Variants in NRXN3 observed in about 807,000 individuals in gnomAD.
NRXN3 encodes the protein neurexin 3, also known as neurexin III.
Under a neutral mutation model 137.6 loss-of-function variants are expected in NRXN3, and 32 were observed. The observed-to-expected ratio is 0.23, with a 90% confidence interval of 0.18 to 0.31. The LOEUF is 0.31. Ranked by LOEUF, NRXN3 falls within the 10% of genes least tolerant of loss-of-function variation. The pLI is 1.00. For synonymous variants in NRXN3, 798 were observed against 784.5 expected (o/e 1.02, Z -0.29); for missense variants, 1,574 against 2,062.5 (o/e 0.76, Z 4.59).
chr14:79,772,189 T>C (rs2139819443), intron 19 of NRXN3, among the ~76,000 whole-genome samples: 1 of 152,124 alleles, frequency 6.6e-6, no homozygotes, highest in African/African-American at 2.4e-5. Context: ...ATCATGAAAA[T>C]GGCCATACTG....
intron 4 of NRXN3, among the ~76,000 whole-genome samples, chr14:78,409,447 C>T (rs2092695548): frequency 6.6e-6 from 1 of 152,226 alleles, no homozygotes; most frequent in Non-Finnish European, 1.5e-5. Flanking sequence ...GATACATGTA[C>T]AGACCACTGA....
At chr14:78,614,891 C>T in intron 4 of NRXN3, 1 of 453,392 alleles carries the variant, frequency 2.2e-6, no homozygotes, top group Non-Finnish European at 4.4e-6. Flanking sequence ...GGGGGCTCAG[C>T]AGCTAGTGGA....
intron 6 of NRXN3, among the ~76,000 whole-genome samples, chr14:78,656,219 GAC>G (rs1411347614): frequency 2.0e-5 from 3 of 152,296 alleles, no homozygotes; most frequent in African/African-American, 7.2e-5. Flanking sequence ...GGGAGAGGCA[GAC>G]ACACGCATAA....
intron 15 of NRXN3, among the ~76,000 whole-genome samples, chr14:79,252,651 A>T (rs1180698523): frequency 1.3e-5 from 2 of 152,182 alleles, no homozygotes; most frequent in Non-Finnish European, 2.9e-5. Flanking sequence ...AGGATTTCAG[A>T]GGGTGCGAGA....
intron 15 of NRXN3, among the ~76,000 whole-genome samples, chr14:79,233,926 T>A (rs1433206272): frequency 6.6e-6 from 1 of 152,018 alleles, no homozygotes; most frequent in African/African-American, 2.4e-5. Flanking sequence ...TTTGACTTAA[T>A]GAAAGGCCTG....
chr14:79,597,769 C>T (rs2097874892), intron 16 of NRXN3, among the ~76,000 whole-genome samples: 1 of 152,066 alleles, frequency 6.6e-6, no homozygotes, highest in Non-Finnish European at 1.5e-5. Context: ...ACTTACGTAG[C>T]TGATTCATAG....
At chr14:79,545,416 T>C (rs753456905) in intron 16 of NRXN3, among the ~76,000 whole-genome samples, 3 of 152,110 alleles carry the variant, frequency 2.0e-5, no homozygotes, top group Non-Finnish European at 4.4e-5. Flanking sequence ...TAGGCTGCCT[T>C]CCTCGAGGGG....
At chr14:79,588,889 G>C (rs762961219) in intron 16 of NRXN3, among the ~76,000 whole-genome samples, 10 of 152,126 alleles carry the variant, frequency 6.6e-5, no homozygotes, top group Non-Finnish European at 1.3e-4. Context: ...AAGATAGATA[G>C]GGTATCCATC....
intron 15 of NRXN3, among the ~76,000 whole-genome samples, chr14:79,149,389 G>A (rs1032054817): frequency 6.6e-6 from 1 of 151,664 alleles, no homozygotes; most frequent in African/African-American, 2.4e-5. Flanking sequence ...GCTTGAGAAA[G>A]CACTAGTTTT....
chr14:78,204,736 A>C (rs2062020244), intron 1 of NRXN3, among the ~76,000 whole-genome samples: 1 of 152,258 alleles, frequency 6.6e-6, no homozygotes, highest in Non-Finnish European at 1.5e-5. Context: ...TGTATTTTCA[A>C]AAATTTCTAG....
At chr14:79,368,672 C>T (rs912454090) in intron 15 of NRXN3, among the ~76,000 whole-genome samples, 3 of 152,162 alleles carry the variant, frequency 2.0e-5, no homozygotes, top group African/African-American at 7.2e-5. Context: ...TATACATTTG[C>T]ATCTCTGTCT....
At chr14:79,414,533 TAG>T (rs1393501624) in intron 15 of NRXN3, among the ~76,000 whole-genome samples, 1 of 152,138 alleles carries the variant, frequency 6.6e-6, no homozygotes, top group Non-Finnish European at 1.5e-5. Flanking sequence ...GCAAAAAATG[TAG>T]AGAGTATTTC....
intron 4 of NRXN3, among the ~76,000 whole-genome samples, chr14:78,575,235 A>G (rs780798575): frequency 3.9e-5 from 6 of 152,184 alleles, no homozygotes; most frequent in Non-Finnish European, 7.3e-5. Context: ...AGTCTCAGGT[A>G]TTTCCTCATA....
At position 78,289,502 on chromosome 14, in the gene NRXN3, C is replaced by T. The variant is rs920379044; in HGVS notation, c.728-8329C>T. ...CTTTCTGGTAATTATCTCCTACAAC[C>T]TCATTCTGACTCTTTTTTATGGCAT... On this transcript the variant is annotated intron_variant, in intron 3 of 20. Coordinates refer to ENST00000335750, the MANE Select transcript of NRXN3 (RefSeq NM_001330195.2). Among the ~76,000 whole-genome samples, 5 of 152,104 alleles carry T rather than the reference C, an allele frequency of 3.3e-5. No homozygotes were observed. The East Asian group carries it at 9.6e-4, about 29-fold the overall frequency.
intron 4 of NRXN3, among the ~76,000 whole-genome samples, chr14:78,536,929 C>T (rs1245682153): frequency 6.6e-6 from 1 of 152,196 alleles, no homozygotes; most frequent in Non-Finnish European, 1.5e-5. Flanking sequence ...CTGCAAAGGA[C>T]ATGAACTCAT....
chr14:79,235,076 A>G (rs2073139432), intron 15 of NRXN3, among the ~76,000 whole-genome samples: 1 of 152,118 alleles, frequency 6.6e-6, no homozygotes, highest in South Asian at 2.1e-4. Flanking sequence ...CTTGAAATTG[A>G]ATGAATTCCC....
chr14:79,412,782 CAAAAAAAAAA>C (rs71103803), intron 15 of NRXN3, among the ~76,000 whole-genome samples: 1 of 59,738 alleles, frequency 1.7e-5, no homozygotes, highest in Non-Finnish European at 3.0e-5. Context: ...GACTCTGTCT[CAAAAAAAAAA>C]AAAAAAAAAA....
At chr14:79,237,782 A>T (rs1331418184) in intron 15 of NRXN3, among the ~76,000 whole-genome samples, 2 of 152,288 alleles carry the variant, frequency 1.3e-5, no homozygotes, top group Non-Finnish European at 2.9e-5. Flanking sequence ...AATTAAGGAC[A>T]CTAAGATTTT....
intron 10 of NRXN3, among the ~76,000 whole-genome samples, chr14:78,875,184 C>G (rs1367546232): frequency 6.6e-6 from 1 of 152,152 alleles, no homozygotes; most frequent in Non-Finnish European, 1.5e-5. Flanking sequence ...TCCTGACAAA[C>G]TTTAAAAGGT....
Sources: gnomAD v4.1 joint callset for allele counts (sites outside exome capture counted in the v4.1 genomes callset) on GRCh38, gnomAD v4.1.1 for gene constraint, MANE v1.5 for transcripts, NCBI Gene and HGNC (gene_info 2026-07-23, HGNC 2026-07-21) for gene names.